The following DSCAML1 variants were observed in gnomAD, a reference collection of about 807,000 sequenced individuals.
DSCAML1 encodes the protein DS cell adhesion molecule like 1.
In DSCAML1, 38 loss-of-function variants were observed where a neutral mutation model predicts 200.5. The observed-to-expected ratio is 0.19, with a 90% CI of 0.15 to 0.25. The LOEUF (loss-of-function observed/expected upper bound fraction) is 0.25, where lower values mean the gene tolerates loss of function less well. Among genes scored for constraint, DSCAML1 ranks in the 10% least tolerant of loss-of-function variants. The pLI, the probability that DSCAML1 is intolerant of heterozygous loss-of-function variation, is 1.00. For missense variants in DSCAML1, 2,223 were observed against 2,858.8 expected, an observed-to-expected ratio of 0.78 and a Z score of 5.07; for synonymous variants, 1,215 against 1,165.0, an observed-to-expected ratio of 1.04 and a Z score of -0.87.
rs1026457118 is a variant in DSCAML1 at position 117,428,274 on chromosome 11, C to T, written c.*54G>A. On this transcript the variant is annotated 3_prime_UTR_variant, in exon 33 of 33. Coordinates refer to ENST00000651296, the MANE Select transcript of DSCAML1 (RefSeq NM_020693.4). Reference sequence around the variant, plus strand: ...TAATGCAGAAAAACAGCCGAGCTGGCGTGTGGGGCTGCGGCGCGGCGCGGT... The same window carrying T: ...TAATGCAGAAAAACAGCCGAGCTGGTGTGTGGGGCTGCGGCGCGGCGCGGT... The T allele has an allele frequency of 5.7e-5, 57 of 993,812 alleles. 1 individual carries two copies. The highest frequency in any genetic ancestry group is 2.3e-4 in the South Asian group (17 of 72,560). The allele number at this position is 993,812 out of a possible 1,614,324, so 61.6% of individuals were successfully genotyped here.
intron 1 of DSCAML1, among the ~76,000 whole-genome samples, chr11:117,788,440 C>T (rs931500934): frequency 5.3e-5 from 8 of 152,196 alleles, no homozygotes; most frequent in African/African-American, 1.9e-4. Context: ...GATTCTCCTG[C>T]CTCAGTCTCC....
chr11:117,743,579 G>A (rs900409262), intron 3 of DSCAML1, among the ~76,000 whole-genome samples: 14 of 152,138 alleles, frequency 9.2e-5, no homozygotes, highest in African/African-American at 1.7e-4. Context: ...GCTGTCTGGC[G>A]TAACCACCCT....
chr11:117,567,084 G>T (rs2050772048), intron 3 of DSCAML1, among the ~76,000 whole-genome samples: 1 of 152,170 alleles, frequency 6.6e-6, no homozygotes, highest in Non-Finnish European at 1.5e-5. Context: ...AGTCCTTTGG[G>T]TATATACCCA....
intron 1 of DSCAML1, among the ~76,000 whole-genome samples, chr11:117,783,240 G>T (rs7119911): frequency 0.4 from 61,246 of 151,920 alleles, 12,745 homozygotes; most frequent in Non-Finnish European, 0.46. Context: ...AGAAACCTAG[G>T]TAATCAGGCA....
chr11:117,523,447 C>T (rs2049916362), intron 5 of DSCAML1, among the ~76,000 whole-genome samples: 1 of 152,186 alleles, frequency 6.6e-6, no homozygotes, highest in African/African-American at 2.4e-5. Flanking sequence ...AACCCCCAGG[C>T]CCCTGAAGTA....
At chr11:117,621,673 G>A (rs1380124049) in intron 3 of DSCAML1, among the ~76,000 whole-genome samples, 2 of 152,164 alleles carry the variant, frequency 1.3e-5, no homozygotes, top group African/African-American at 2.4e-5. Context: ...CTTAGCTATG[G>A]AATTAGAAGC....
At chr11:117,752,918 G>C (rs912938251) in intron 3 of DSCAML1, among the ~76,000 whole-genome samples, 1 of 152,172 alleles carries the variant, frequency 6.6e-6, no homozygotes, top group African/African-American at 2.4e-5. Context: ...CAGCAAAAAC[G>C]AGTCTCTAGG....
chr11:117,766,905 C>T (rs984069452), intron 3 of DSCAML1, among the ~76,000 whole-genome samples: 3 of 152,088 alleles, frequency 2.0e-5, no homozygotes, highest in South Asian at 4.1e-4. Flanking sequence ...TAGGGAGCTG[C>T]GGGCATGTTC....
At chr11:117,651,711 CAAA>C (rs1193144259) in intron 3 of DSCAML1, among the ~76,000 whole-genome samples, 925 of 30,908 alleles carry the variant, frequency 0.03, 4 homozygotes, top group African/African-American at 0.068. Flanking sequence ...GACTCTGTCT[CAAA>C]AAAAAAAAAA....
At chr11:117,528,387 C>T (rs1358855230) in intron 4 of DSCAML1, among the ~76,000 whole-genome samples, 3 of 152,222 alleles carry the variant, frequency 2.0e-5, no homozygotes, top group Non-Finnish European at 4.4e-5. Context: ...GAAACCTCTT[C>T]CATTACTCCA....
At chr11:117,663,910 T>G (rs562927548) in intron 3 of DSCAML1, among the ~76,000 whole-genome samples, 2 of 152,304 alleles carry the variant, frequency 1.3e-5, no homozygotes, top group East Asian at 3.9e-4. Context: ...CATTTATTCC[T>G]CCCCTGCTCT....
Position 117,578,222 on chromosome 11 carries a change from C to A in DSCAML1, c.512-45700G>T, listed in dbSNP as rs148162436. On this transcript the variant is annotated intron_variant, in intron 3 of 32. Transcript: ENST00000651296. ...TGTATTCCAGCCTGGGCAACAAGAG[C>A]GAAACTCTGTCTCGAAAAAAAAAAA... 4.7e-3 allele frequency among the ~76,000 whole-genome samples: 504 copies of A among 106,902 alleles called. 5 individuals are homozygous for A. Among genetic ancestry groups the A allele is most frequent in the Middle Eastern group, 0.017 (2 of 118 alleles). The allele number at this position is 106,902 out of a possible 152,430, so 70.1% of individuals were successfully genotyped here. A position where few individuals can be genotyped will look rare whatever the true frequency, so the allele number is the denominator to read the frequency against.
intron 32 of DSCAML1, among the ~76,000 whole-genome samples, chr11:117,429,653 C>T (rs760167752): frequency 3.9e-5 from 6 of 152,236 alleles, no homozygotes; most frequent in Non-Finnish European, 8.8e-5. Flanking sequence ...GGATTACAGG[C>T]ATGAGCCGCC....
intron 3 of DSCAML1, among the ~76,000 whole-genome samples, chr11:117,677,327 G>A (rs955185018): frequency 1.2e-4 from 18 of 152,150 alleles, no homozygotes; most frequent in African/African-American, 4.1e-4. Flanking sequence ...GCTCCAGTCT[G>A]GGTAAAATAA....
At chr11:117,508,643 A>G (rs1270542282) in intron 8 of DSCAML1, among the ~76,000 whole-genome samples, 4 of 152,052 alleles carry the variant, frequency 2.6e-5, no homozygotes, top group African/African-American at 9.7e-5. Flanking sequence ...ACAGCACCGA[A>G]CAAGCTGCTG....
intron 3 of DSCAML1, among the ~76,000 whole-genome samples, chr11:117,581,190 G>C (rs150447166): frequency 1.3e-5 from 2 of 152,060 alleles, no homozygotes; most frequent in East Asian, 3.9e-4. Flanking sequence ...GTCTCCCCAC[G>C]GTAATGATAA....
intron 3 of DSCAML1, among the ~76,000 whole-genome samples, chr11:117,707,233 T>C (rs1003866146): frequency 1.3e-5 from 2 of 152,242 alleles, no homozygotes; most frequent in Non-Finnish European, 2.9e-5. Flanking sequence ...GACCACTGCC[T>C]GCCCTGAGAA....
intron 3 of DSCAML1, among the ~76,000 whole-genome samples, chr11:117,557,925 G>A (rs1474445782): frequency 6.6e-6 from 1 of 152,138 alleles, no homozygotes; most frequent in Non-Finnish European, 1.5e-5. Flanking sequence ...GGAGAGAGCA[G>A]TTGCTTCTAG....
At chr11:117,527,279 A>G (rs1177774425) in intron 4 of DSCAML1, among the ~76,000 whole-genome samples, 2 of 152,190 alleles carry the variant, frequency 1.3e-5, no homozygotes, top group Non-Finnish European at 2.9e-5. Context: ...TCATAAAGGG[A>G]GTCTCCCCAT....
Sources: allele counts gnomAD v4.1 joint callset (sites outside exome capture counted in the v4.1 genomes callset), GRCh38; gene constraint gnomAD v4.1.1; transcripts MANE v1.5; gene names NCBI Gene and HGNC (gene_info 2026-07-23, HGNC 2026-07-21).